Variants in CCL22 observed in about 807,000 individuals in gnomAD.
CCL22 encodes the protein C-C motif chemokine 22.
In CCL22, 7 loss-of-function variants were observed where a neutral mutation model predicts 7.6. That is an observed-to-expected ratio of 0.92 (90% confidence interval 0.52 to 1.72). The LOEUF (loss-of-function observed/expected upper bound fraction) is 1.72, where lower values mean the gene tolerates loss of function less well. Among genes scored for constraint, CCL22 ranks in the 40% most tolerant of loss-of-function variants. The pLI, the probability that CCL22 is intolerant of heterozygous loss-of-function variation, is 0.00. For missense variants in CCL22, 115 were observed against 124.7 expected (o/e 0.92, Z 0.37); for synonymous variants, 55 against 47.2 (o/e 1.17, Z -0.68).
rs1902077447 is a variant in CCL22 at position 57,363,996 on chromosome 16, C to T, written c.*408C>T. The T allele has an allele frequency of 5.5e-6, 1 of 180,662 alleles. No individual in the cohort carries two copies. Among genetic ancestry groups the T allele is most frequent in the Non-Finnish European group, 1.2e-5 (1 of 84,356 alleles). The allele number at this position is 180,662 out of a possible 1,614,324, so 11.2% of individuals were successfully genotyped here. A position where few individuals can be genotyped will look rare whatever the true frequency, so the allele number is the denominator to read the frequency against. On this transcript the variant is annotated 3_prime_UTR_variant, in exon 3 of 3. Transcript: ENST00000219235. The stretch of plus-strand genomic sequence containing the variant: ...CTCCCTGTTCTCCAAACCCATACTA[C>T]ACATCCCACTTCTGGGTCTTTGCCT...
intron 1 of CCL22, 120 bp from the exon 2 acceptor site, chr16:57,360,317 A>G (rs1331655380): frequency 1.2e-5 from 15 of 1,258,334 alleles, no homozygotes; most frequent in Non-Finnish European, 1.7e-5. Flanking sequence ...ATCCTTCCAC[A>G]TGAGAACAGA....
In CCL22 at chr16:57,364,492, T is replaced by C; in HGVS notation, c.*904T>C. 1 of 151,980 alleles carries C rather than the reference T, an allele frequency of 6.6e-6. No homozygotes were observed. The highest frequency in any genetic ancestry group is 2.4e-5 in the African/African-American group (1 of 41,358). 9.4% of individuals were successfully genotyped at this position (151,980 alleles called of 1,614,324 possible). ...TCCCCCACTCCCTTTTTTTTTTTTT[T>C]TTTGAGATGGAGTTTCGCTCTTGTC... On this transcript the variant is annotated 3_prime_UTR_variant, in exon 3 of 3. Coordinates refer to ENST00000219235, the MANE Select transcript of CCL22 (RefSeq NM_002990.5).
chr16:57,363,563 T>G lies in CCL22; in HGVS notation c.257T>G (p.Met86Arg). Residue 86 changes from methionine (M) to arginine (R), a missense_variant, in exon 3 of 3, where the codon ATG becomes AGG. Transcript: ENST00000219235. Reference protein sequence around the residue: ...CADPRVPWVKMILNKLSQ With the variant: ...CADPRVPWVKRILNKLSQ ...GATCCCAGAGTGCCCTGGGTGAAGA[T>G]GATTCTCAATAAGCTGAGCCAATGA... 1 of 1,613,516 alleles carries G rather than the reference T, an allele frequency of 6.2e-7. No individual in the cohort carries two copies. Among genetic ancestry groups the G allele is most frequent in the South Asian group, 1.1e-5 (1 of 91,048 alleles).
At chr16:57,362,396 G>A (rs1435755175) in intron 2 of CCL22, among the ~76,000 whole-genome samples, 5 of 152,122 alleles carry the variant, frequency 3.3e-5, no homozygotes, top group African/African-American at 1.2e-4. Context: ...TGAGTTGGGA[G>A]GATCACTTGA....
In CCL22 at chr16:57,363,600, T is replaced by C; in HGVS notation, c.*12T>C. The C allele has an allele frequency of 6.3e-7, 1 of 1,590,566 alleles. No individual in the cohort carries two copies. The highest frequency in any genetic ancestry group is 1.3e-5 in the African/African-American group (1 of 74,502). On this transcript the variant is annotated 3_prime_UTR_variant, in exon 3 of 3. Transcript: ENST00000219235. ...AGCTGAGCCAATGAAGAGCCTACTC[T>C]GATGACCGTGGCCTTGGCTCCTCCA...
chr16:57,361,258 CAAAAAAAAAAAAAAA>C (rs68168072), intron 2 of CCL22, among the ~76,000 whole-genome samples: 1 of 114,744 alleles, frequency 8.7e-6, no homozygotes, highest in Non-Finnish European at 1.8e-5. Flanking sequence ...GACTCTGTCT[CAAAAAAAAAAAAAAA>C]AAAAAAATGC....
chr16:57,358,960 G>T, intron 1 of CCL22, 71 bp downstream of exon 1: 1 of 1,205,028 alleles, frequency 8.3e-7, no homozygotes, highest in Non-Finnish European at 1.2e-6. Context: ...CTCATGTCTT[G>T]GACAAGCACT....
At chr16:57,359,761 T>G (rs1902028309) in intron 1 of CCL22, among the ~76,000 whole-genome samples, 1 of 152,106 alleles carries the variant, frequency 6.6e-6, no homozygotes. Context: ...GCCTCCTGAG[T>G]AGCTGGGATT....
intron 2 of CCL22, among the ~76,000 whole-genome samples, chr16:57,361,576 T>C (rs11643837): frequency 0.1 from 15,151 of 152,252 alleles, 1,021 homozygotes; most frequent in South Asian, 0.2. Flanking sequence ...CAGGGCTTTC[T>C]CCTGAGTTTC....
chr16:57,364,588 C>G lies in CCL22; in HGVS notation c.*1000C>G. 1 of 150,674 alleles carries G rather than the reference C, an allele frequency of 6.6e-6. No homozygotes were observed. The highest frequency in any genetic ancestry group is 6.7e-5 in the Admixed American group (1 of 14,986). 9.3% of individuals were successfully genotyped at this position (150,674 alleles called of 1,614,324 possible). A position where few individuals can be genotyped will look rare whatever the true frequency, so the allele number is the denominator to read the frequency against. ...CTGCCTCCTGGGTTCAAGTGATTCT[C>G]TTGCCTCAGCCTCCTGAGTAGCTGG... is the stretch of plus-strand genomic sequence containing the variant. On this transcript the variant is annotated 3_prime_UTR_variant, in exon 3 of 3. Transcript: ENST00000219235.
intron 2 of CCL22, among the ~76,000 whole-genome samples, chr16:57,362,530 C>G (rs1357143361): frequency 6.6e-6 from 1 of 152,040 alleles, no homozygotes; most frequent in African/African-American, 2.4e-5. Context: ...AAGAATGTGT[C>G]TGGAGGCTCA....
rs1417863951 is a variant in CCL22, at chr16:57,365,838, C to T, written c.*2250C>T. The T allele has an allele frequency of 3.3e-5, 5 of 152,266 alleles. No homozygotes were observed. The highest frequency in any genetic ancestry group is 1.2e-4 in the African/African-American group (5 of 41,446). The allele number at this position is 152,266 out of a possible 1,614,324, so 9.4% of individuals were successfully genotyped here. On this transcript the variant is annotated 3_prime_UTR_variant, in exon 3 of 3. Transcript: ENST00000219235. Reference sequence around the variant, plus strand: ...AAATGTTACAAGTGTCTGGTCCTTTCTGAGGGAGGCTGGTGCCGCTCTGCA... The same window carrying T: ...AAATGTTACAAGTGTCTGGTCCTTTTTGAGGGAGGCTGGTGCCGCTCTGCA...
intron 2 of CCL22, among the ~76,000 whole-genome samples, chr16:57,362,466 C>G (rs1209908525): frequency 7.2e-5 from 11 of 151,998 alleles, no homozygotes; most frequent in Non-Finnish European, 1.6e-4. Context: ...ATCAATCAAT[C>G]AATCAATCAA....
In CCL22 at chr16:57,363,639, G is replaced by C. The variant is rs1330422688; in HGVS notation, c.*51G>C. 7 of 1,154,104 alleles carry C rather than the reference G, an allele frequency of 6.1e-6. No individual in the cohort carries two copies. In the Admixed American group the frequency reaches 1.2e-4, roughly 20 times the overall value. The allele number at this position is 1,154,104 out of a possible 1,614,324, so 71.5% of individuals were successfully genotyped here. A position where few individuals can be genotyped will look rare whatever the true frequency, so the allele number is the denominator to read the frequency against. ...TTGGCTCCTCCAGGAAGGCTCAGGA[G>C]CCCTACCTCCCTGCCATTATAGCTG... On this transcript the variant is annotated 3_prime_UTR_variant, in exon 3 of 3. Coordinates refer to ENST00000219235, the MANE Select transcript of CCL22 (RefSeq NM_002990.5).
chr16:57,360,555 C>T lies in CCL22; in HGVS notation c.192C>T (p.Gly64=), dbSNP rs767198881. 19 of 1,613,916 alleles carry T rather than the reference C, an allele frequency of 1.2e-5. No individual in the cohort carries two copies. The highest frequency in any genetic ancestry group is 3.3e-5 in the Admixed American group (2 of 60,010). ...YWTSDSCPRP[G]VVLLTFRDKE... ...CCTCAGACTCCTGCCCGAGGCCTGG[C>T]GTGGTGTGAGTAGGGAGCTGGGGCC... Residue 64 remains glycine, a synonymous_variant, in exon 2 of 3, where the codon GGC becomes GGT. Coordinates refer to ENST00000219235, the MANE Select transcript of CCL22 (RefSeq NM_002990.5).
chr16:57,362,557 T>C (rs1340573942), intron 2 of CCL22, among the ~76,000 whole-genome samples: 1 of 152,080 alleles, frequency 6.6e-6, no homozygotes, highest in African/African-American at 2.4e-5. Context: ...TTAAGTGATA[T>C]TATAAGACTC....
At chr16:57,362,121 G>C (rs758153585) in intron 2 of CCL22, among the ~76,000 whole-genome samples, 1 of 152,238 alleles carries the variant, frequency 6.6e-6, no homozygotes, top group East Asian at 1.9e-4. Context: ...AGCACAAAAA[G>C]GTTAGGGGGC....
At position 57,365,875 on chromosome 16, in the gene CCL22, C is replaced by A. The variant is rs1310741924; in HGVS notation, c.*2287C>A. The A allele has an allele frequency of 6.6e-6, 1 of 152,316 alleles. No homozygotes were observed. The highest frequency in any genetic ancestry group is 1.9e-4 in the East Asian group (1 of 5,208). The allele number at this position is 152,316 out of a possible 1,614,324, so 9.4% of individuals were successfully genotyped here. ...GGTGCCGCTCTGCAGGGTATTTGAACCTGTGGAATTGGAGGAGGCCATTTC... is the reference window on the plus strand; with the variant it reads ...GGTGCCGCTCTGCAGGGTATTTGAAACTGTGGAATTGGAGGAGGCCATTTC... On this transcript the variant is annotated 3_prime_UTR_variant, in exon 3 of 3. Transcript: ENST00000219235.
Position 57,360,549 on chromosome 16 carries a change from G to T in CCL22, c.186G>T (p.Arg62Ser), listed in dbSNP as rs1567549323. The T allele has an allele frequency of 6.2e-7, 1 of 1,614,156 alleles. No individual in the cohort carries two copies. The change falls in exon 2 of 3, where the codon AGG becomes AGT. Residue 62 changes from arginine (R) to serine (S), a missense_variant. By Grantham distance (110) the Arg-to-Ser change is moderately radical. Coordinates refer to ENST00000219235, the MANE Select transcript of CCL22 (RefSeq NM_002990.5). Reference sequence around the variant, plus strand: ...ACTGGACCTCAGACTCCTGCCCGAGGCCTGGCGTGGTGTGAGTAGGGAGCT... The same window carrying T: ...ACTGGACCTCAGACTCCTGCCCGAGTCCTGGCGTGGTGTGAGTAGGGAGCT... ...HFYWTSDSCPRPGVVLLTFRD... is the reference protein window; with the variant it reads ...HFYWTSDSCPSPGVVLLTFRD...
Sources: allele counts gnomAD v4.1 joint callset (sites outside exome capture counted in the v4.1 genomes callset), GRCh38; gene constraint gnomAD v4.1.1; transcripts MANE v1.5; gene names NCBI Gene and HGNC (gene_info 2026-07-23, HGNC 2026-07-21).